SHOC2: variants seen among roughly 807,000 people sequenced by gnomAD.
The protein encoded by SHOC2 is leucine-rich repeat protein SHOC-2.
A neutral mutation model predicts 50.2 loss-of-function variants in SHOC2; 4 were observed. That is an observed-to-expected ratio of 0.08 (90% CI 0.04 to 0.18). The LOEUF (loss-of-function observed/expected upper bound fraction) is 0.18, where lower values mean the gene tolerates loss of function less well. SHOC2 is among the 10% of genes least tolerant of loss of function. SHOC2 has a pLI of 1.00. For synonymous variants in SHOC2, 218 were observed against 244.5 expected, an observed-to-expected ratio of 0.89 and a Z score of 1.01; for missense variants, 388 against 669.6, an observed-to-expected ratio of 0.58 and a Z score of 4.64.
At chr10:110,930,176 T>TA (rs2033403749) in intron 1 of SHOC2, among the ~76,000 whole-genome samples, 1 of 152,198 alleles carries the variant, frequency 6.6e-6, no homozygotes, top group African/African-American at 2.4e-5. Context: ...GAATGGTAGA[T>TA]AAATAGTTGA....
chr10:110,937,138 C>A (rs1847039669), intron 1 of SHOC2: 2 of 1,492,552 alleles, frequency 1.3e-6, no homozygotes, highest in Non-Finnish European at 1.9e-6. Context: ...CGACCACCAC[C>A]TTCCGGCCCA....
chr10:110,936,539 G>T (rs1590782431), intron 1 of SHOC2: 1 of 630,122 alleles, frequency 1.6e-6, no homozygotes, highest in South Asian at 1.8e-5. Context: ...TATTTATCTT[G>T]ATTAGTCTGC....
At chr10:111,008,099 G>A (rs1484295961) in intron 6 of SHOC2, among the ~76,000 whole-genome samples, 2 of 147,688 alleles carry the variant, frequency 1.4e-5, no homozygotes, top group African/African-American at 2.5e-5. Context: ...AATCTGGTAT[G>A]CCTATTTCTA....
In SHOC2 at chr10:111,012,328, G is replaced by C. The variant is rs924105012; in HGVS notation, c.*510G>C. The C allele has an allele frequency of 1.3e-5, 2 of 159,754 alleles. No individual in the cohort carries two copies. Among genetic ancestry groups the C allele is most frequent in the African/African-American group, 4.8e-5 (2 of 41,274 alleles). The allele number at this position is 159,754 out of a possible 1,614,324, so 9.9% of individuals were successfully genotyped here. The stretch of plus-strand genomic sequence containing the variant: ...CAGAGTAAATCACTGGATTTCTTTT[G>C]TTTGTTTTGATTTGCTCTGTTTTAT... On this transcript the variant is annotated 3_prime_UTR_variant, in exon 9 of 9. Transcript: ENST00000369452.
At chr10:110,963,482 A>C (rs1246381498) in intron 1 of SHOC2, among the ~76,000 whole-genome samples, 1 of 152,074 alleles carries the variant, frequency 6.6e-6, no homozygotes, top group African/African-American at 2.4e-5. Context: ...GCTGTTTTTC[A>C]TACATATTTC....
At chr10:110,936,883 C>G (rs1245302955) in intron 1 of SHOC2, 5 of 1,383,676 alleles carry the variant, frequency 3.6e-6, no homozygotes, top group Non-Finnish European at 5.1e-6. Flanking sequence ...GAACCACCAT[C>G]CGCTTTTTCT....
intron 2 of SHOC2, among the ~76,000 whole-genome samples, chr10:110,966,847 A>T (rs934873919): frequency 1.3e-5 from 2 of 152,144 alleles, no homozygotes; most frequent in Admixed American, 1.3e-4. Context: ...TAATTGCTGT[A>T]CTTCTGTAAA....
At chr10:110,924,171 TCTG>T (rs1303785594) in intron 1 of SHOC2, among the ~76,000 whole-genome samples, 3 of 152,234 alleles carry the variant, frequency 2.0e-5, no homozygotes, top group African/African-American at 7.2e-5. Flanking sequence ...TCATGGAACT[TCTG>T]CTGAATGCCA....
chr10:110,931,120 C>T (rs1846888739), intron 1 of SHOC2, among the ~76,000 whole-genome samples: 1 of 152,090 alleles, frequency 6.6e-6, no homozygotes, highest in African/African-American at 2.4e-5. Flanking sequence ...ATAAATCAGT[C>T]CCATGTCTCT....
At chr10:110,962,202 C>T (rs1404885907) in intron 1 of SHOC2, among the ~76,000 whole-genome samples, 3 of 152,010 alleles carry the variant, frequency 2.0e-5, no homozygotes, top group Non-Finnish European at 4.4e-5. Context: ...TCATTTGATC[C>T]TTATATAGGA....
In SHOC2 at chr10:110,964,884, T is replaced by A. The variant is rs904557581; in HGVS notation, c.526T>A (p.Leu176Ile). ...DNLKKLRMLDLRHNKLREIPS... is the reference protein window; with the variant it reads ...DNLKKLRMLDIRHNKLREIPS... ...CTTGAAGAAGCTGCGGATGCTTGAT[T>A]TACGGCATAATAAACTGAGAGAAAT... is the stretch of plus-strand genomic sequence containing the variant. The change falls in exon 2 of 9, where the codon TTA becomes ATA. Residue 176 changes from leucine to isoleucine, a missense_variant. Physicochemically the swap from Leu to Ile is conservative, Grantham distance 5. Coordinates refer to ENST00000369452, the MANE Select transcript of SHOC2 (RefSeq NM_007373.4). The surrounding 1 kb of genome is among the most constrained non-coding windows in gnomAD (Gnocchi z 4.9). The A allele has an allele frequency of 1.9e-6, 3 of 1,614,046 alleles. No individual in the cohort carries two copies. The African/African-American group carries it at 4.0e-5, about 22-fold the overall frequency.
In SHOC2 at chr10:111,012,230, A is replaced by C. The variant is rs1848579687; in HGVS notation, c.*412A>C. 2 of 173,136 alleles carry C rather than the reference A, an allele frequency of 1.2e-5. No individual in the cohort carries two copies. The highest frequency in any genetic ancestry group is 3.3e-4 in the East Asian group (2 of 6,012). The allele number at this position is 173,136 out of a possible 1,614,324, so 10.7% of individuals were successfully genotyped here. Reference sequence around the variant, plus strand: ...AATTGTTTTATCCTTATAGTATTGTAGGCCCTGAAAGTAGAATTTTTCTTT... The same window carrying C: ...AATTGTTTTATCCTTATAGTATTGTCGGCCCTGAAAGTAGAATTTTTCTTT... On this transcript the variant is annotated 3_prime_UTR_variant, in exon 9 of 9. Coordinates refer to ENST00000369452, the MANE Select transcript of SHOC2 (RefSeq NM_007373.4).
At chr10:110,970,800 C>T (rs1330822323) in intron 2 of SHOC2, among the ~76,000 whole-genome samples, 3 of 149,142 alleles carry the variant, frequency 2.0e-5, no homozygotes, top group South Asian at 2.1e-4. Context: ...ATTGTACTTT[C>T]GATTTTCATT....
chr10:111,007,719 A>C, intron 6 of SHOC2, 66 bp downstream of exon 6: 1 of 1,524,106 alleles, frequency 6.6e-7, no homozygotes. Flanking sequence ...AAAAATTTCA[A>C]ATTTAAATAA....
At chr10:110,977,308 A>G (rs889843523) in intron 2 of SHOC2, among the ~76,000 whole-genome samples, 5 of 151,948 alleles carry the variant, frequency 3.3e-5, no homozygotes, top group African/African-American at 7.3e-5. Flanking sequence ...CTGGAGTGCA[A>G]TGGTGTGATC....
At chr10:110,991,167 A>T (rs1431490618) in intron 3 of SHOC2, among the ~76,000 whole-genome samples, 1 of 152,198 alleles carries the variant, frequency 6.6e-6, no homozygotes, top group Non-Finnish European at 1.5e-5. Context: ...TTGTTAAATA[A>T]CAGTCAAAGG....
At chr10:110,994,639 A>C (rs749978218) in intron 3 of SHOC2, among the ~76,000 whole-genome samples, 29 of 152,344 alleles carry the variant, frequency 1.9e-4, no homozygotes, top group Non-Finnish European at 4.1e-4. Flanking sequence ...GGAGGGGAGA[A>C]GCATATAGAA....
intron 1 of SHOC2, among the ~76,000 whole-genome samples, chr10:110,962,437 C>G (rs1199029880): frequency 6.6e-6 from 1 of 152,072 alleles, no homozygotes; most frequent in East Asian, 1.9e-4. Context: ...TTTTCTTAGT[C>G]TCTCTCCATC....
At chr10:110,950,977 G>A (rs559340805) in intron 1 of SHOC2, among the ~76,000 whole-genome samples, 2 of 152,278 alleles carry the variant, frequency 1.3e-5, no homozygotes, top group Admixed American at 1.3e-4. Flanking sequence ...ATTGGTTGGG[G>A]CAATGATTTT....
Sources: allele counts gnomAD v4.1 joint callset (sites outside exome capture counted in the v4.1 genomes callset), GRCh38; gene constraint gnomAD v4.1.1; non-coding constraint Gnocchi (gnomAD v3.1); transcripts MANE v1.5; gene names NCBI Gene and HGNC (gene_info 2026-07-23, HGNC 2026-07-21).